Variants in TM6SF2 observed in about 807,000 individuals in gnomAD.
TM6SF2 encodes transmembrane 6 superfamily member 2.
In TM6SF2, 29 loss-of-function variants were observed where a neutral mutation model predicts 41.0. The observed-to-expected ratio is 0.71, with a 90% CI of 0.53 to 0.96. The LOEUF (loss-of-function observed/expected upper bound fraction) is 0.96, where lower values mean the gene tolerates loss of function less well. Among genes scored for constraint, TM6SF2 ranks in the 50% least tolerant of loss-of-function variants. The probability of loss-of-function intolerance (pLI) is 0.00; values close to 1 mark genes in which losing one functional copy is unlikely to be tolerated. For missense variants in TM6SF2, 475 were observed against 499.0 expected, an observed-to-expected ratio of 0.95 and a Z score of 0.46; for synonymous variants, 200 against 209.1, an observed-to-expected ratio of 0.96 and a Z score of 0.37.
chr19:19,265,171 T>C (rs2060998696), intron 9 of TM6SF2, among the ~76,000 whole-genome samples: 1 of 151,246 alleles, frequency 6.6e-6, no homozygotes, highest in Admixed American at 6.6e-5. Flanking sequence ...CAGCCTCCTC[T>C]GAGTAGCTGG....
At chr19:19,269,626 C>T in intron 5 of TM6SF2, 61 bp downstream of exon 5, 1 of 1,599,758 alleles carries the variant, frequency 6.3e-7, no homozygotes, top group South Asian at 1.1e-5. Context: ...GGGGGTGCTT[C>T]TAGGTGCAGG....
chr19:19,264,762 C>T lies in TM6SF2; in HGVS notation c.1036G>A (p.Gly346Ser). ...FFVCNLLYAL[G>S]PHLLAYRCLQ... ...CAACGGTAGGCCAGCAGGTGGGGGC[C>T]CAGCGCATACAGCAGATTGCACACG... The change falls in exon 10 of 10, where the codon GGC (glycine) becomes AGC (serine). Residue 346 changes from glycine to serine, a missense_variant. Transcript: ENST00000389363. 6.2e-7 allele frequency: 1 copy of T among 1,608,806 alleles called. No individual in the cohort carries two copies. The highest frequency in any genetic ancestry group is 8.5e-7 in the Non-Finnish European group (1 of 1,177,798).
chr19:19,264,474 T>C lies in TM6SF2; in HGVS notation c.*190A>G, dbSNP rs1478361217. The C allele has an allele frequency of 4.6e-6, 2 of 436,794 alleles. No homozygotes were observed. The allele number at this position is 436,794 out of a possible 1,614,324, so 27.1% of individuals were successfully genotyped here. On this transcript the variant is annotated 3_prime_UTR_variant, in exon 10 of 10. Transcript: ENST00000389363. ...GGGAGTTGGAGCATGGTGACAGCTG[T>C]GGGAGGCTCTCCTTGCAGGAACACT... is the stretch of plus-strand genomic sequence containing the variant.
At chr19:19,270,518 G>C in intron 2 of TM6SF2, 76 bp from the exon 3 acceptor site, 1 of 1,511,524 alleles carries the variant, frequency 6.6e-7, no homozygotes, top group Non-Finnish European at 8.9e-7. Context: ...GTGTGGGCGG[G>C]GCTTGAAGTT....
At position 19,265,792 on chromosome 19, in the gene TM6SF2, C is replaced by G. The variant is rs757245760; in HGVS notation, c.924+698G>C. Reference sequence around the variant, plus strand: ...TGTGCTTGTCCACTTGTCTGTGAGTCCCCCCCAACTTGCCTAACCCCATCT... The same window carrying G: ...TGTGCTTGTCCACTTGTCTGTGAGTGCCCCCCAACTTGCCTAACCCCATCT... On this transcript the variant is annotated intron_variant, in intron 9 of 9. Coordinates refer to ENST00000389363, the MANE Select transcript of TM6SF2 (RefSeq NM_001001524.3). 3.3e-5 allele frequency among the ~76,000 whole-genome samples: 5 copies of G among 151,924 alleles called. No homozygotes were observed. In the South Asian group the frequency reaches 1.0e-3, roughly 32 times the overall value.
At chr19:19,271,500 C>T (rs942767965) in intron 1 of TM6SF2, among the ~76,000 whole-genome samples, 13 of 151,604 alleles carry the variant, frequency 8.6e-5, no homozygotes, top group Non-Finnish European at 1.8e-4. Context: ...TTTCTTTTCT[C>T]TTTCTTTCTT....
intron 1 of TM6SF2, 67 bp from the exon 2 acceptor site, chr19:19,271,192 G>T: frequency 7.7e-7 from 1 of 1,298,474 alleles, no homozygotes; most frequent in Non-Finnish European, 1.1e-6. Flanking sequence ...ACTCTCCCTG[G>T]TGGGGGAAGG....
chr19:19,272,503 A>G (rs1228737361), intron 1 of TM6SF2, among the ~76,000 whole-genome samples: 1 of 152,096 alleles, frequency 6.6e-6, no homozygotes, highest in Admixed American at 6.6e-5. Flanking sequence ...GCTTGGGTTG[A>G]GCTGGGTTTA....
chr19:19,273,188 T>A lies in TM6SF2; in HGVS notation c.28A>T (p.Ile10Phe), dbSNP rs868177285. The part of the protein sequence containing the change: MDIPPLAGK[I>F]AALSLSALPV... ...AGGGCGCTCAGCGACAGCGCCGCGA[T>A]CTTGCCGGCCAGCGGCGGGATGTCC... Residue 10 changes from isoleucine to phenylalanine, a missense_variant, in exon 1 of 10, where the codon ATC becomes TTC. This residue lies in a region of TM6SF2 where 238 missense variants were observed against 228.6 expected (regional missense o/e 1.04). Coordinates refer to ENST00000389363, the MANE Select transcript of TM6SF2 (RefSeq NM_001001524.3). The A allele has an allele frequency of 2.7e-6, 4 of 1,460,006 alleles. No individual in the cohort carries two copies. Among genetic ancestry groups the A allele is most frequent in the South Asian group, 1.3e-5 (1 of 74,538 alleles). 90.4% of individuals were successfully genotyped at this position (1,460,006 alleles called of 1,614,324 possible).
chr19:19,268,852 A>G, intron 5 of TM6SF2, 98 bp from the exon 6 acceptor site: 1 of 1,414,406 alleles, frequency 7.1e-7, no homozygotes, highest in Non-Finnish European at 9.3e-7. Context: ...TCTGTCACCC[A>G]GGCTGGAGTG....
chr19:19,265,416 A>G (rs56831097), intron 9 of TM6SF2, among the ~76,000 whole-genome samples: 29,556 of 120,068 alleles, frequency 0.25, 3,166 homozygotes, highest in South Asian at 0.39. Flanking sequence ...CCATCCATCC[A>G]TCTATCTATC....
At chr19:19,272,692 G>GGTGTGTGTGTGTGT (rs55690765) in intron 1 of TM6SF2, among the ~76,000 whole-genome samples, 60 of 136,786 alleles carry the variant, frequency 4.4e-4, no homozygotes, top group African/African-American at 1.3e-3. Flanking sequence ...AATGGAGTAG[G>GGTGTGTGTGTGTGT]GTGTGTGTGT....
intron 4 of TM6SF2, 166 bp from the exon 5 acceptor site, chr19:19,269,935 C>A: frequency 6.7e-7 from 1 of 1,497,324 alleles, no homozygotes; most frequent in African/African-American, 1.4e-5. Context: ...CAGTGAGACC[C>A]TCTGTCCAAG....
At chr19:19,267,822 A>G (rs577020062) in intron 7 of TM6SF2, 109 bp from the exon 8 acceptor site, 1 of 1,200,680 alleles carries the variant, frequency 8.3e-7, no homozygotes, top group South Asian at 1.4e-5. Flanking sequence ...GCCCAGCTCA[A>G]GTTGGGCTGG....
intron 1 of TM6SF2, among the ~76,000 whole-genome samples, chr19:19,272,458 G>C (rs545530289): frequency 7.9e-5 from 12 of 152,334 alleles, no homozygotes; most frequent in African/African-American, 2.9e-4. Flanking sequence ...CACCCAGGGA[G>C]CCAGGCTCAT....
At position 19,270,254 on chromosome 19, in the gene TM6SF2, G is replaced by T. The variant is rs765539044; in HGVS notation, c.320C>A (p.Ala107Glu). The T allele has an allele frequency of 6.2e-7, 1 of 1,614,232 alleles. No homozygotes were observed. Among genetic ancestry groups the T allele is most frequent in the Non-Finnish European group, 8.5e-7 (1 of 1,180,048 alleles). ...TKEGEPYLRTAHGVFICYWDG... is the reference protein window; with the variant it reads ...TKEGEPYLRTEHGVFICYWDG... ...CCAGTAGCAGATGAAGACTCCGTGC[G>T]CTGTGCGCAGGTATGGCTCTCCCTG... The change falls in exon 4 of 10, where the codon GCG (alanine) becomes GAG (glutamate). Residue 107 changes from alanine to glutamate, a missense_variant. By Grantham distance (107) the Ala-to-Glu change is moderately radical (BLOSUM62 -1). Coordinates refer to ENST00000389363, the MANE Select transcript of TM6SF2 (RefSeq NM_001001524.3).
chr19:19,265,946 G>A (rs754636939), intron 9 of TM6SF2, among the ~76,000 whole-genome samples: 17 of 152,040 alleles, frequency 1.1e-4, no homozygotes, highest in South Asian at 2.1e-4. Context: ...TCCCTGGCCG[G>A]GGCCCAGGAT....
At chr19:19,265,038 G>GTTTTTTTTTTTT (rs550015865) in intron 9 of TM6SF2, among the ~76,000 whole-genome samples, 165 bp from the exon 10 acceptor site, 1 of 121,054 alleles carries the variant, frequency 8.3e-6, no homozygotes, top group East Asian at 2.3e-4. Flanking sequence ...CCATCTATCT[G>GTTTTTTTTTTTT]TTTTTTTTTT....
Position 19,264,768 on chromosome 19 carries a change from C to G in TM6SF2, c.1030G>C (p.Ala344Pro). 6.2e-7 allele frequency: 1 copy of G among 1,610,484 alleles called. No individual in the cohort carries two copies. Among genetic ancestry groups the G allele is most frequent in the South Asian group, 1.1e-5 (1 of 90,294 alleles). Reference sequence around the variant, plus strand: ...TAGGCCAGCAGGTGGGGGCCCAGCGCATACAGCAGATTGCACACGAAGAAG... The same window carrying G: ...TAGGCCAGCAGGTGGGGGCCCAGCGGATACAGCAGATTGCACACGAAGAAG... ...GCFFVCNLLY[A>P]LGPHLLAYRC... is the part of the protein sequence containing the mutation. The change falls in exon 10 of 10, where the codon GCG (alanine) becomes CCG (proline). Residue 344 changes from alanine (A) to proline (P), a missense_variant. Coordinates refer to ENST00000389363, the MANE Select transcript of TM6SF2 (RefSeq NM_001001524.3).
Sources: gnomAD v4.1 joint callset for allele counts (sites outside exome capture counted in the v4.1 genomes callset) on GRCh38, gnomAD v4.1.1 for gene constraint, gnomAD v4.1.1 regional missense constraint, MANE v1.5 for transcripts, NCBI Gene and HGNC (gene_info 2026-07-23, HGNC 2026-07-21) for gene names.